The following MACROD2 variants were observed in gnomAD, a reference collection of about 807,000 sequenced individuals.
The protein encoded by MACROD2 is ADP-ribose glycohydrolase MACROD2.
In MACROD2, 36 loss-of-function variants were observed where a neutral mutation model predicts 70.4. That is an observed-to-expected ratio of 0.51 (90% CI 0.39 to 0.68). MACROD2 has a LOEUF of 0.68. MACROD2 is among the 30% of genes least tolerant of loss of function. MACROD2 has a pLI of 0.00. For synonymous variants in MACROD2, 172 were observed against 178.8 expected, an observed-to-expected ratio of 0.96 and a Z score of 0.30; for missense variants, 496 against 538.4, an observed-to-expected ratio of 0.92 and a Z score of 0.78.
chr20:15,522,386 C>T (rs1204170685), intron 8 of MACROD2, among the ~76,000 whole-genome samples: 1 of 152,218 alleles, frequency 6.6e-6, no homozygotes. Context: ...CAATGCAGTG[C>T]TCTACAAATG....
intron 4 of MACROD2, among the ~76,000 whole-genome samples, chr20:14,586,079 T>C (rs1443908907): frequency 6.6e-6 from 1 of 152,154 alleles, no homozygotes; most frequent in Non-Finnish European, 1.5e-5. Context: ...GTTTTAATTC[T>C]TTACATTTTG....
chr20:14,585,610 C>T (rs915457865), intron 4 of MACROD2, among the ~76,000 whole-genome samples: 1 of 151,948 alleles, frequency 6.6e-6, no homozygotes, highest in Non-Finnish European at 1.5e-5. Flanking sequence ...TATATTTGCT[C>T]AGGTAACTAC....
intron 15 of MACROD2, among the ~76,000 whole-genome samples, chr20:16,023,701 G>A (rs1039422399): frequency 2.0e-5 from 3 of 152,128 alleles, no homozygotes; most frequent in Non-Finnish European, 1.5e-5. Context: ...AGGCCTCTGT[G>A]AAGCATTCTG....
intron 5 of MACROD2, among the ~76,000 whole-genome samples, chr20:14,710,327 G>C (rs1431192914): frequency 1.3e-5 from 2 of 152,080 alleles, no homozygotes; most frequent in Non-Finnish European, 2.9e-5. Context: ...CTCAGTCTTG[G>C]CCTGGTGACA....
chr20:14,773,847 A>G (rs1341454185), intron 5 of MACROD2, among the ~76,000 whole-genome samples: 1 of 152,078 alleles, frequency 6.6e-6, no homozygotes, highest in Non-Finnish European at 1.5e-5. Context: ...TAATGTGCAC[A>G]CAGATTGAAG....
intron 3 of MACROD2, among the ~76,000 whole-genome samples, chr20:14,276,622 TATA>T (rs1283262171): frequency 1.3e-5 from 2 of 151,852 alleles, no homozygotes; most frequent in African/African-American, 2.4e-5. Flanking sequence ...AAACTTAAAG[TATA>T]ATAATAATAA....
chr20:15,626,854 C>T (rs2049209928), intron 8 of MACROD2, among the ~76,000 whole-genome samples: 1 of 151,500 alleles, frequency 6.6e-6, no homozygotes, highest in Non-Finnish European at 1.5e-5. Context: ...GACTCCATAC[C>T]CCACCCCCCC....
At chr20:14,801,646 T>C (rs114973904) in intron 5 of MACROD2, among the ~76,000 whole-genome samples, 2,049 of 152,180 alleles carry the variant, frequency 0.013, 49 homozygotes, top group African/African-American at 0.047. Context: ...GAGAGTTTTA[T>C]GTATGCTCAC....
chr20:15,593,372 A>G (rs1253272999), intron 8 of MACROD2, among the ~76,000 whole-genome samples: 1 of 152,036 alleles, frequency 6.6e-6, no homozygotes, highest in African/African-American at 2.4e-5. Flanking sequence ...CGCTACTGCC[A>G]TTTTCTTTTT....
intron 8 of MACROD2, among the ~76,000 whole-genome samples, chr20:15,620,625 G>A (rs2049111848): frequency 6.6e-6 from 1 of 152,132 alleles, no homozygotes; most frequent in African/African-American, 2.4e-5. Flanking sequence ...GAAGCACTTA[G>A]ACTATTCATG....
chr20:14,003,625 C>T (rs548609404), intron 2 of MACROD2: 3 of 453,744 alleles, frequency 6.6e-6, no homozygotes, highest in South Asian at 5.5e-5. Context: ...TGATTTGCTG[C>T]CCACCACCCC....
intron 3 of MACROD2, among the ~76,000 whole-genome samples, chr20:14,439,902 G>C (rs2084102571): frequency 6.6e-6 from 1 of 152,080 alleles, no homozygotes; most frequent in Admixed American, 6.5e-5. Flanking sequence ...GATTTTTACA[G>C]AGTTAAGCAG....
At chr20:15,707,855 A>G (rs1223380855) in intron 8 of MACROD2, among the ~76,000 whole-genome samples, 1 of 152,060 alleles carries the variant, frequency 6.6e-6, no homozygotes, top group Non-Finnish European at 1.5e-5. Flanking sequence ...TATTAGTGTG[A>G]TAAGAAAGAT....
chr20:14,072,945 AAAAG>A (rs1355300757), intron 2 of MACROD2, among the ~76,000 whole-genome samples: 1 of 152,014 alleles, frequency 6.6e-6, no homozygotes, highest in Non-Finnish European at 1.5e-5. Context: ...AAAAAAAAAA[AAAAG>A]CATATAGATC....
At chr20:15,562,470 A>T (rs771262020) in intron 8 of MACROD2, among the ~76,000 whole-genome samples, 3 of 152,198 alleles carry the variant, frequency 2.0e-5, no homozygotes, top group Non-Finnish European at 4.4e-5. Flanking sequence ...AAGCATAGAG[A>T]TTCCAAAATA....
chr20:15,089,321 G>A (rs894015122), intron 5 of MACROD2, among the ~76,000 whole-genome samples: 1 of 152,078 alleles, frequency 6.6e-6, no homozygotes. Flanking sequence ...AGGGATGGGA[G>A]AAAGGGTGTC....
At chr20:15,299,949 A>C (rs1324818121) in intron 6 of MACROD2, among the ~76,000 whole-genome samples, 1 of 152,172 alleles carries the variant, frequency 6.6e-6, no homozygotes, top group African/African-American at 2.4e-5. Flanking sequence ...AGAAACATCT[A>C]GCTTTTCTTT....
chr20:14,456,938 T>C lies in MACROD2; in HGVS notation c.272-36541T>C, dbSNP rs192567241. Among the ~76,000 whole-genome samples, 1,219 of 151,918 alleles carry C rather than the reference T, an allele frequency of 8.0e-3. 29 individuals carry two copies. Among genetic ancestry groups the C allele is most frequent in the African/African-American group, 0.028 (1,167 of 41,292 alleles). On this transcript the variant is annotated intron_variant, in intron 3 of 17. Coordinates refer to ENST00000684519, the MANE Select transcript of MACROD2 (RefSeq NM_001351661.2). ...TTCACCGTGTTAGCCAGGATGGTCTTGATCTCCTGACCTCGTGATCCGCCC... is the reference window on the plus strand; with the variant it reads ...TTCACCGTGTTAGCCAGGATGGTCTCGATCTCCTGACCTCGTGATCCGCCC...
chr20:14,554,845 T>C (rs927257821), intron 4 of MACROD2, among the ~76,000 whole-genome samples: 7 of 152,214 alleles, frequency 4.6e-5, no homozygotes, highest in African/African-American at 1.7e-4. Flanking sequence ...TCTGATCACC[T>C]ATAAGGAAAG....
Sources: allele counts gnomAD v4.1 joint callset (sites outside exome capture counted in the v4.1 genomes callset), GRCh38; gene constraint gnomAD v4.1.1; transcripts MANE v1.5; gene names NCBI Gene and HGNC (gene_info 2026-07-23, HGNC 2026-07-21).